ZFP30: variants seen among roughly 807,000 people sequenced by gnomAD.
ZFP30 encodes the protein ZFP30 zinc finger protein, also known as zinc finger protein 30 homolog.
Under a neutral mutation model 12.3 loss-of-function variants are expected in ZFP30, and 16 were observed. That is an observed-to-expected ratio of 1.30 (90% confidence interval 0.88 to 1.98). The LOEUF (loss-of-function observed/expected upper bound fraction) is 1.98. Ranked by LOEUF, ZFP30 falls within the 30% of genes most tolerant of loss-of-function variation. The pLI is 0.00. For synonymous variants in ZFP30, 172 were observed against 201.0 expected, an observed-to-expected ratio of 0.86 and a Z score of 1.22; for missense variants, 560 against 611.2, an observed-to-expected ratio of 0.92 and a Z score of 0.88.
chr19:37,641,684 G>T (rs2044438486), intron 5 of ZFP30, among the ~76,000 whole-genome samples: 1 of 152,130 alleles, frequency 6.6e-6, no homozygotes, highest in Non-Finnish European at 1.5e-5. Flanking sequence ...CCCAAAAAAT[G>T]AATTATTAAA....
At chr19:37,653,593 G>A (rs544874687) in intron 2 of ZFP30, among the ~76,000 whole-genome samples, 29 of 151,826 alleles carry the variant, frequency 1.9e-4, no homozygotes, top group Non-Finnish European at 4.0e-4. Context: ...TCTTATTATT[G>A]CATAACATTC....
intron 5 of ZFP30, among the ~76,000 whole-genome samples, chr19:37,636,758 T>G (rs544011101): frequency 6.6e-6 from 1 of 152,170 alleles, no homozygotes; most frequent in South Asian, 2.1e-4. Flanking sequence ...TCGCCCAGGT[T>G]GTAGTGCAGT....
At position 37,635,426 on chromosome 19, in the gene ZFP30, T is replaced by C; in HGVS notation, c.1115A>G (p.His372Arg). 9 of 1,614,192 alleles carry C rather than the reference T, an allele frequency of 5.6e-6. No individual in the cohort carries two copies. Among genetic ancestry groups the C allele is most frequent in the Non-Finnish European group, 7.6e-6 (9 of 1,180,032 alleles). ...CTTTTCACCAGTATGTATTCTCTGA[T>C]GGAGAGTTAGATGATAGCCACGACT... ...TFSRGYHLTL[H>R]QRIHTGEKPY... The change falls in exon 6 of 6, where the codon CAT (histidine) becomes CGT (arginine). Residue 372 changes from histidine (H) to arginine (R), a missense_variant. Coordinates refer to ENST00000684514, the MANE Select transcript of ZFP30 (RefSeq NM_001320669.3).
Position 37,631,680 on chromosome 19 carries a change from T to TAAAAAAAAAAA in ZFP30, c.*3290_*3300dup, listed in dbSNP as rs59250127. On this transcript the variant is annotated 3_prime_UTR_variant, in exon 6 of 6. Coordinates refer to ENST00000684514, the MANE Select transcript of ZFP30 (RefSeq NM_001320669.3). ...ATTCCATTCTTAATACATAGAAAGCTAAAAAAAAAAAAAAAAAAAAGACAA... is the reference window on the plus strand; with the variant it reads ...ATTCCATTCTTAATACATAGAAAGCTAAAAAAAAAAAAAAAAAAAAAAAAAAAAAAAGACAA... 9.0e-6 allele frequency: 1 copy of TAAAAAAAAAAA among 111,346 alleles called. No homozygotes were observed. The highest frequency in any genetic ancestry group is 2.0e-5 in the Non-Finnish European group (1 of 49,956). 6.9% of individuals were successfully genotyped at this position (111,346 alleles called of 1,614,324 possible).
intron 2 of ZFP30, among the ~76,000 whole-genome samples, chr19:37,650,973 T>C (rs754155067): frequency 2.6e-5 from 4 of 152,012 alleles, no homozygotes; most frequent in Non-Finnish European, 5.9e-5. Context: ...CCTGGGCTCA[T>C]GTGATCGATC....
chr19:37,642,957 G>C lies in ZFP30; in HGVS notation c.235+308C>G, dbSNP rs551012518. 3.5e-3 allele frequency among the ~76,000 whole-genome samples: 527 copies of C among 151,292 alleles called. 4 individuals carry two copies. Among genetic ancestry groups the C allele is most frequent in the African/African-American group, 0.012 (505 of 41,242 alleles). On this transcript the variant is annotated intron_variant, in intron 5 of 5. Transcript: ENST00000684514. ...GGTCCCAGCTACTGGGGAGGCTGAG[G>C]CAGGAGAATGGCGTGAACCCGGGAG...
In ZFP30 at chr19:37,651,720, A is replaced by C. The variant is rs145563934; in HGVS notation, c.-78+2992T>G. ...CTAAATATGCCTAACTCTGAAATTC[A>C]CATGACTCTGAGGTGAAAAGTTGAT... is the stretch of plus-strand genomic sequence containing the variant. On this transcript the variant is annotated intron_variant, in intron 2 of 5. Transcript: ENST00000684514. Among the ~76,000 whole-genome samples the C allele has an allele frequency of 1.4e-4, 21 of 152,356 alleles. No individual in the cohort carries two copies. In the East Asian group the frequency reaches 4.0e-3, roughly 29 times the overall value.
Position 37,631,251 on chromosome 19 carries a change from A to C in ZFP30, c.*3730T>G, listed in dbSNP as rs560009009. On this transcript the variant is annotated 3_prime_UTR_variant, in exon 6 of 6. Transcript: ENST00000684514. ...CACAAGCATTAAGAGTGAAAGTTAC[A>C]GGGTAAAAGGTGCTTCAGATACATT... The C allele has an allele frequency of 9.8e-4, 150 of 152,348 alleles. No homozygotes were observed. The highest frequency in any genetic ancestry group is 3.3e-3 in the African/African-American group (139 of 41,578). The allele number at this position is 152,348 out of a possible 1,614,324, so 9.4% of individuals were successfully genotyped here.
In ZFP30 at chr19:37,635,120, G is replaced by A. The variant is rs142272588; in HGVS notation, c.1421C>T (p.Ala474Val). 6.2e-7 allele frequency: 1 copy of A among 1,613,546 alleles called. No individual in the cohort carries two copies. The highest frequency in any genetic ancestry group is 1.1e-5 in the South Asian group (1 of 90,932). The change falls in exon 6 of 6, where the codon GCC (alanine) becomes GTC (valine). Residue 474 changes from alanine to valine, a missense_variant. By Grantham distance (64) the Ala-to-Val change is moderately conservative (BLOSUM62 0). Coordinates refer to ENST00000684514, the MANE Select transcript of ZFP30 (RefSeq NM_001320669.3). ...KPYDCKECGK[A>V]FRLHSSLIQH... ...AATCAGTGATGAATGAAGTCTAAAG[G>A]CCTTTCCACATTCCTTACAGTCATA...
chr19:37,654,435 G>A (rs1448987304), intron 2 of ZFP30, among the ~76,000 whole-genome samples: 1 of 152,130 alleles, frequency 6.6e-6, no homozygotes, highest in African/African-American at 2.4e-5. Context: ...TTAATCTCCA[G>A]CACGGGTATT....
intron 2 of ZFP30, among the ~76,000 whole-genome samples, chr19:37,649,533 A>G (rs921555667): frequency 5.9e-5 from 9 of 152,064 alleles, no homozygotes; most frequent in Admixed American, 3.3e-4. Flanking sequence ...GCATTCACAC[A>G]ATGGAAAATT....
At position 37,633,538 on chromosome 19, in the gene ZFP30, G is replaced by A. The variant is rs1308294837; in HGVS notation, c.*1443C>T. The A allele has an allele frequency of 6.6e-6, 1 of 152,080 alleles. No individual in the cohort carries two copies. The highest frequency in any genetic ancestry group is 1.9e-4 in the East Asian group (1 of 5,138). The allele number at this position is 152,080 out of a possible 1,614,324, so 9.4% of individuals were successfully genotyped here. A position where few individuals can be genotyped will look rare whatever the true frequency, so the allele number is the denominator to read the frequency against. ...CTGGCTAATTTTTGTATTTTTAGTG[G>A]AGATGAGGTTTCACCATGATGGTCA... On this transcript the variant is annotated 3_prime_UTR_variant, in exon 6 of 6. Coordinates refer to ENST00000684514, the MANE Select transcript of ZFP30 (RefSeq NM_001320669.3).
Position 37,635,189 on chromosome 19 carries a change from G to A in ZFP30, c.1352C>T (p.Ser451Leu), listed in dbSNP as rs763001581. ...AATACTTTGATGTTGGGTAAGTTGT[G>A]AAAGCAGTCTAAAAGTCTTCTCACA... is the stretch of plus-strand genomic sequence containing the variant. ...KECEKTFRLLSQLTQHQSIHT... is the reference protein window; with the variant it reads ...KECEKTFRLLLQLTQHQSIHT... Residue 451 changes from serine to leucine, a missense_variant, in exon 6 of 6, where the codon TCA becomes TTA. By Grantham distance (145) the Ser-to-Leu change is moderately radical (BLOSUM62 -2). Transcript: ENST00000684514. 1 of 1,612,498 alleles carries A rather than the reference G, an allele frequency of 6.2e-7. No homozygotes were observed. Among genetic ancestry groups the A allele is most frequent in the East Asian group, 2.2e-5 (1 of 44,806 alleles).
At chr19:37,653,832 C>A (rs1341406209) in intron 2 of ZFP30, among the ~76,000 whole-genome samples, 1 of 152,140 alleles carries the variant, frequency 6.6e-6, no homozygotes, top group Non-Finnish European at 1.5e-5. Context: ...CTTAAAATAT[C>A]TTTGTTGCCC....
intron 4 of ZFP30, 67 bp downstream of exon 4, chr19:37,644,543 C>CAG: frequency 1.4e-6 from 2 of 1,455,234 alleles, no homozygotes; most frequent in South Asian, 1.5e-5. Flanking sequence ...TGGAAAAAAA[C>CAG]AAAGACAGCC....
intron 1 of ZFP30, 115 bp downstream of exon 1, chr19:37,655,305 C>T (rs2044733030): frequency 6.6e-6 from 1 of 152,406 alleles, no homozygotes; most frequent in South Asian, 2.1e-4. Context: ...CCTGAGGCTC[C>T]ACAGGAACCT....
intron 3 of ZFP30, among the ~76,000 whole-genome samples, chr19:37,647,347 G>A (rs1423997307): frequency 6.6e-6 from 1 of 152,158 alleles, no homozygotes; most frequent in Admixed American, 6.5e-5. Context: ...GGAGGGAGCC[G>A]GTGGGAGATA....
intron 2 of ZFP30, among the ~76,000 whole-genome samples, chr19:37,649,982 A>G (rs1042985216): frequency 2.0e-5 from 3 of 152,166 alleles, no homozygotes; most frequent in African/African-American, 7.2e-5. Flanking sequence ...GTATTTCGGC[A>G]GGTAAACTAC....
At chr19:37,644,400 G>C (rs1458385401) in intron 4 of ZFP30, 5 of 358,500 alleles carry the variant, frequency 1.4e-5, no homozygotes, top group African/African-American at 2.1e-5. Context: ...TGGGTGTGGT[G>C]GTGTGCGCCT....
Sources: allele counts gnomAD v4.1 joint callset (sites outside exome capture counted in the v4.1 genomes callset), GRCh38; gene constraint gnomAD v4.1.1; transcripts MANE v1.5; gene names NCBI Gene and HGNC (gene_info 2026-07-23, HGNC 2026-07-21).